ANTXR1: variants seen among roughly 807,000 people sequenced by gnomAD.
ANTXR1 encodes anthrax toxin receptor 1.
ANTXR1 carries 19 observed loss-of-function variants against 78.1 expected under a neutral mutation model. The ratio of observed to expected loss-of-function variants is 0.24; its 90% CI spans 0.17 to 0.36. ANTXR1 has a LOEUF of 0.36. ANTXR1 is among the 10% of genes least tolerant of loss of function. The pLI is 1.00. For missense variants in ANTXR1, 518 were observed against 718.6 expected, an observed-to-expected ratio of 0.72 and a Z score of 3.19; for synonymous variants, 273 against 260.5, an observed-to-expected ratio of 1.05 and a Z score of -0.46.
At chr2:69,245,142 G>T (rs551041014) in intron 17 of ANTXR1, 83 bp from the exon 18 acceptor site, 2 of 1,542,514 alleles carry the variant, frequency 1.3e-6, no homozygotes, top group African/African-American at 2.7e-5. Flanking sequence ...TCCACATATT[G>T]CTTGCAAGCC....
At chr2:69,086,938 T>G (rs2104269636) in intron 8 of ANTXR1, among the ~76,000 whole-genome samples, 1 of 152,326 alleles carries the variant, frequency 6.6e-6, no homozygotes, top group Admixed American at 6.5e-5. Context: ...GATCTCATGC[T>G]CTCCCTCACC....
chr2:69,107,589 A>T (rs7557604), intron 10 of ANTXR1, among the ~76,000 whole-genome samples: 56,421 of 146,922 alleles, frequency 0.38, 11,150 homozygotes, highest in East Asian at 0.5. Context: ...ATCTTGGTTT[A>T]AAAAAAAAAA....
chr2:69,227,191 G>A (rs1055762965), intron 17 of ANTXR1, among the ~76,000 whole-genome samples: 1 of 152,082 alleles, frequency 6.6e-6, no homozygotes, highest in Admixed American at 6.6e-5. Context: ...CTGTTTTTCT[G>A]TCTGACATCA....
chr2:69,194,304 A>G (rs567282200), intron 17 of ANTXR1, among the ~76,000 whole-genome samples: 3 of 152,246 alleles, frequency 2.0e-5, no homozygotes, highest in African/African-American at 7.2e-5. Flanking sequence ...AGCAACCTGC[A>G]TCTTCCATCC....
intron 7 of ANTXR1, among the ~76,000 whole-genome samples, chr2:69,076,431 A>T (rs1001778377): frequency 6.6e-5 from 10 of 152,354 alleles, no homozygotes; most frequent in African/African-American, 2.4e-4. Context: ...AGCAAGTTGT[A>T]AAAGCTTACT....
intron 1 of ANTXR1, among the ~76,000 whole-genome samples, chr2:69,033,496 T>G (rs1214961608): frequency 1.3e-5 from 2 of 152,222 alleles, no homozygotes; most frequent in African/African-American, 4.8e-5. Context: ...ACTTGTCTTC[T>G]AAAGGGCACT....
intron 12 of ANTXR1, chr2:69,135,058 C>G (rs747742207): frequency 2.9e-5 from 12 of 407,464 alleles, no homozygotes; most frequent in Non-Finnish European, 6.1e-5. Context: ...TATCAGAGTG[C>G]GGAACTCAGA....
intron 1 of ANTXR1, among the ~76,000 whole-genome samples, chr2:69,022,844 G>A (rs556828365): frequency 1.1e-3 from 161 of 152,366 alleles, no homozygotes; most frequent in African/African-American, 3.7e-3. Flanking sequence ...ATTTTAGATG[G>A]TGGCAGAAGA....
chr2:69,165,074 C>T (rs1036850825), intron 13 of ANTXR1, among the ~76,000 whole-genome samples: 1 of 152,242 alleles, frequency 6.6e-6, no homozygotes, highest in African/African-American at 2.4e-5. Context: ...AGTGCCCCTC[C>T]CCAAACCCAC....
intron 17 of ANTXR1, among the ~76,000 whole-genome samples, chr2:69,200,413 C>T (rs1166762053): frequency 2.0e-5 from 3 of 152,334 alleles, no homozygotes; most frequent in East Asian, 3.9e-4. Context: ...GTCGCAGAGG[C>T]GAGAATAGCC....
chr2:69,027,793 C>A (rs1671392703), intron 1 of ANTXR1, among the ~76,000 whole-genome samples: 3 of 145,582 alleles, frequency 2.1e-5, no homozygotes, highest in African/African-American at 2.6e-5. Flanking sequence ...ATAATATATT[C>A]ATGGAAAGCA....
intron 13 of ANTXR1, among the ~76,000 whole-genome samples, chr2:69,162,321 A>G (rs192099755): frequency 6.6e-6 from 1 of 152,258 alleles, no homozygotes; most frequent in East Asian, 1.9e-4. Context: ...TCTTCTGCCT[A>G]AAGCTGCCTA....
At chr2:69,205,672 T>C (rs1412222528) in intron 17 of ANTXR1, among the ~76,000 whole-genome samples, 2 of 152,014 alleles carry the variant, frequency 1.3e-5, no homozygotes, top group Non-Finnish European at 2.9e-5. Context: ...AGTATGGTTT[T>C]TTTCTGCAAC....
At chr2:69,200,547 C>G (rs1211970400) in intron 17 of ANTXR1, among the ~76,000 whole-genome samples, 1 of 152,248 alleles carries the variant, frequency 6.6e-6, no homozygotes, top group Admixed American at 6.5e-5. Flanking sequence ...TCTCTTCTCT[C>G]TCCTTCACAT....
chr2:69,118,354 A>C (rs1322852401), intron 10 of ANTXR1, among the ~76,000 whole-genome samples: 1 of 152,042 alleles, frequency 6.6e-6, no homozygotes, highest in East Asian at 1.9e-4. Context: ...CACTTAAAGC[A>C]CAGAAGATTG....
chr2:69,182,457 T>C lies in ANTXR1; in HGVS notation c.1186-36T>C, dbSNP rs372038393. ...TCTCATTCTCGAGGGGCAGCATATTTTGTCATTTCATTTCATTGTATTTTG... is the reference window on the plus strand; with the variant it reads ...TCTCATTCTCGAGGGGCAGCATATTCTGTCATTTCATTTCATTGTATTTTG... On this transcript the variant is annotated intron_variant, in intron 15 of 17. Transcript: ENST00000303714. The C allele has an allele frequency of 3.1e-5, 50 of 1,611,956 alleles. No individual in the cohort carries two copies. The African/African-American group carries it at 5.1e-4, about 16-fold the overall frequency.
chr2:69,241,952 G>A (rs941154844), intron 17 of ANTXR1, among the ~76,000 whole-genome samples: 1 of 152,152 alleles, frequency 6.6e-6, no homozygotes, highest in Non-Finnish European at 1.5e-5. Flanking sequence ...ACTGTGGGGT[G>A]TCCCACAGTG....
intron 17 of ANTXR1, among the ~76,000 whole-genome samples, chr2:69,226,503 T>A (rs1034861664): frequency 3.9e-5 from 6 of 151,952 alleles, no homozygotes; most frequent in Admixed American, 6.6e-5. Context: ...GGAGCCAAAA[T>A]GGTGGTTGAG....
intron 10 of ANTXR1, among the ~76,000 whole-genome samples, chr2:69,120,256 C>T (rs148673786): frequency 6.6e-6 from 1 of 152,220 alleles, no homozygotes; most frequent in Non-Finnish European, 1.5e-5. Flanking sequence ...GGGTACTCAC[C>T]ATTAATATAC....
Sources: allele counts gnomAD v4.1 joint callset (sites outside exome capture counted in the v4.1 genomes callset), GRCh38; gene constraint gnomAD v4.1.1; transcripts MANE v1.5; gene names NCBI Gene and HGNC (gene_info 2026-07-23, HGNC 2026-07-21).